The following DCUN1D4 variants were observed in gnomAD, a reference collection of about 807,000 sequenced individuals.
DCUN1D4 encodes DCN1-like protein 4.
In DCUN1D4, 22 loss-of-function variants were observed where a neutral mutation model predicts 47.9. That is an observed-to-expected ratio of 0.46 (90% confidence interval 0.33 to 0.66). DCUN1D4 has a LOEUF of 0.66. Ranked by LOEUF, DCUN1D4 falls within the 30% of genes least tolerant of loss-of-function variation. The pLI is 0.02. For synonymous variants in DCUN1D4, 121 were observed against 112.2 expected, an observed-to-expected ratio of 1.08 and a Z score of -0.50; for missense variants, 301 against 340.8, an observed-to-expected ratio of 0.88 and a Z score of 0.92.
At chr4:51,903,425 C>A (rs891215104) in intron 8 of DCUN1D4, among the ~76,000 whole-genome samples, 6 of 152,186 alleles carry the variant, frequency 3.9e-5, no homozygotes, top group Non-Finnish European at 7.4e-5. Context: ...ACTTTTTATT[C>A]TCTTTCCATT....
the DCUN1D4 span, among the ~76,000 whole-genome samples, chr4:51,837,790 G>T: frequency 7.7e-4 from 115 of 149,566 alleles, no homozygotes; most frequent in Admixed American, 7.6e-3. Context: ...CTGAAACACA[G>T]ATGTCAAATA....
intron 7 of DCUN1D4, 92 bp from the exon 8 acceptor site, chr4:51,899,178 T>G: frequency 7.1e-7 from 1 of 1,416,288 alleles, no homozygotes; most frequent in Non-Finnish European, 9.2e-7. Flanking sequence ...GGATTTGTTC[T>G]TTCCTTTGGT....
chr4:51,908,230 C>T (rs574582470), intron 8 of DCUN1D4, among the ~76,000 whole-genome samples: 2 of 152,260 alleles, frequency 1.3e-5, no homozygotes, highest in South Asian at 4.1e-4. Flanking sequence ...TGTATAGAGC[C>T]TGTTCAGTTT....
At chr4:51,867,968 C>G (rs1220604595) in intron 3 of DCUN1D4, among the ~76,000 whole-genome samples, 1 of 152,260 alleles carries the variant, frequency 6.6e-6, no homozygotes, top group South Asian at 2.1e-4. Flanking sequence ...CGGCTTCCCC[C>G]TCGTGCTTGT....
chr4:51,886,508 C>G, intron 5 of DCUN1D4, 60 bp from the exon 6 acceptor site: 2 of 1,446,062 alleles, frequency 1.4e-6, no homozygotes, highest in Non-Finnish European at 1.9e-6. Context: ...AATACTACTA[C>G]AGTGGTAATA....
intron 4 of DCUN1D4, among the ~76,000 whole-genome samples, chr4:51,876,730 G>A (rs559962998): frequency 8.9e-4 from 136 of 152,212 alleles, no homozygotes; most frequent in Middle Eastern, 3.4e-3. Context: ...GTATACATGG[G>A]TCTTCCAGGG....
In DCUN1D4 at chr4:51,888,415, T is replaced by C. The variant is rs146109290; in HGVS notation, c.414+1777T>C. Among the ~76,000 whole-genome samples, 9 of 152,308 alleles carry C rather than the reference T, an allele frequency of 5.9e-5. No homozygotes were observed. In the East Asian group the frequency reaches 1.7e-3, roughly 29 times the overall value. On this transcript the variant is annotated intron_variant, in intron 6 of 10. Coordinates refer to ENST00000334635, the MANE Select transcript of DCUN1D4 (RefSeq NM_001040402.3). ...AGTACTCAATAAAAGATAGTTATTG[T>C]CATTCTTTTTTGGCAGTTATGAGTC...
intron 7 of DCUN1D4, among the ~76,000 whole-genome samples, chr4:51,895,121 T>TG (rs1560505629): frequency 6.6e-6 from 1 of 152,092 alleles, no homozygotes; most frequent in Non-Finnish European, 1.5e-5. Context: ...ACCATCATCT[T>TG]GGGGGTGAGG....
chr4:51,846,168 G>A (rs373534059), intron 1 of DCUN1D4, among the ~76,000 whole-genome samples: 1 of 152,210 alleles, frequency 6.6e-6, no homozygotes, highest in East Asian at 1.9e-4. Context: ...ATTCCCCAAA[G>A]CCCTAGGCTC....
intron 3 of DCUN1D4, among the ~76,000 whole-genome samples, chr4:51,868,055 G>T (rs937587522): frequency 6.6e-6 from 1 of 152,260 alleles, no homozygotes; most frequent in Non-Finnish European, 1.5e-5. Flanking sequence ...GTGCACACCT[G>T]GTCAGGTCAC....
At chr4:51,865,770 G>A (rs1725816179) in intron 3 of DCUN1D4, among the ~76,000 whole-genome samples, 1 of 152,108 alleles carries the variant, frequency 6.6e-6, no homozygotes, top group Non-Finnish European at 1.5e-5. Context: ...TGAAAATTAG[G>A]TGTAAGATGG....
chr4:51,842,029 T>G (rs938832833), upstream of DCUN1D4, among the ~76,000 whole-genome samples: 13 of 151,908 alleles, frequency 8.6e-5, no homozygotes, highest in African/African-American at 2.4e-4. Context: ...TCTCGAAATA[T>G]TGTTCTGTTA....
At chr4:51,835,601 C>T in the DCUN1D4 span, among the ~76,000 whole-genome samples, 2 of 152,000 alleles carry the variant, frequency 1.3e-5, no homozygotes, top group Non-Finnish European at 2.9e-5. Context: ...ATTGTGGGGG[C>T]CCAAGGCTGG....
chr4:51,876,400 C>T (rs972909528), intron 4 of DCUN1D4, among the ~76,000 whole-genome samples: 4 of 151,246 alleles, frequency 2.6e-5, no homozygotes, highest in African/African-American at 9.7e-5. Flanking sequence ...GGGAACATCA[C>T]ACACCGGGGG....
intron 7 of DCUN1D4, among the ~76,000 whole-genome samples, chr4:51,894,110 G>A (rs1439679943): frequency 6.6e-6 from 1 of 152,134 alleles, no homozygotes; most frequent in Non-Finnish European, 1.5e-5. Flanking sequence ...GGTTCTCAGG[G>A]TGATTGCCAC....
chr4:51,868,366 T>C (rs1340200296), intron 3 of DCUN1D4, among the ~76,000 whole-genome samples: 4 of 152,246 alleles, frequency 2.6e-5, no homozygotes, highest in Non-Finnish European at 4.4e-5. Context: ...CTCATGGCAG[T>C]GATTGCTCCA....
intron 8 of DCUN1D4, among the ~76,000 whole-genome samples, chr4:51,904,306 C>G (rs1330492548): frequency 2.0e-5 from 3 of 152,178 alleles, no homozygotes; most frequent in African/African-American, 7.2e-5. Context: ...GGATTACAAA[C>G]TGTCCCCAGC....
intron 6 of DCUN1D4, chr4:51,887,250 C>CCGCA (rs1729646945): frequency 5.7e-6 from 2 of 351,356 alleles, no homozygotes; most frequent in African/African-American, 4.4e-5. Context: ...TACAGGTGTG[C>CCGCA]GCCACCATGC....
chr4:51,879,558 G>A (rs1287168932), intron 5 of DCUN1D4, among the ~76,000 whole-genome samples: 1 of 152,214 alleles, frequency 6.6e-6, no homozygotes, highest in Non-Finnish European at 1.5e-5. Context: ...AGTGAGCCGA[G>A]ATTGTGCCAC....
Sources: gnomAD v4.1 joint callset for allele counts (sites outside exome capture counted in the v4.1 genomes callset) on GRCh38, gnomAD v4.1.1 for gene constraint, MANE v1.5 for transcripts, NCBI Gene and HGNC (gene_info 2026-07-23, HGNC 2026-07-21) for gene names.